Variants in GABBR2 observed in about 807,000 individuals in gnomAD.
The protein encoded by GABBR2 is gamma-aminobutyric acid type B receptor subunit 2.
In GABBR2, 23 loss-of-function variants were observed where a neutral mutation model predicts 105.6. That is an observed-to-expected ratio of 0.22 (90% CI 0.16 to 0.31). The LOEUF is 0.31. GABBR2 is among the 10% of genes least tolerant of loss of function. The pLI is 1.00. For missense variants in GABBR2, 734 were observed against 1,245.5 expected, an observed-to-expected ratio of 0.59 and a Z score of 6.18; for synonymous variants, 478 against 499.7, an observed-to-expected ratio of 0.96 and a Z score of 0.58.
intron 7 of GABBR2, among the ~76,000 whole-genome samples, chr9:98,420,653 G>T: frequency 6.6e-6 from 1 of 152,206 alleles, no homozygotes; most frequent in East Asian, 1.9e-4. Context: ...GAGGGCCTGG[G>T]CTGTGGGGAA....
intron 7 of GABBR2, among the ~76,000 whole-genome samples, chr9:98,426,247 C>T (rs552916173): frequency 9.8e-5 from 15 of 152,290 alleles, no homozygotes; most frequent in East Asian, 9.7e-4. Flanking sequence ...TCAGAGTCAG[C>T]GCAGTGTGAC....
At chr9:98,615,826 G>T (rs767474059) in intron 1 of GABBR2, among the ~76,000 whole-genome samples, 16 of 152,178 alleles carry the variant, frequency 1.1e-4, no homozygotes, top group Non-Finnish European at 2.4e-4. Flanking sequence ...ATTGCTCCCA[G>T]AACAAAAGCC....
At chr9:98,574,309 T>G (rs549318209) in intron 2 of GABBR2, among the ~76,000 whole-genome samples, 133 of 152,392 alleles carry the variant, frequency 8.7e-4, no homozygotes, top group Non-Finnish European at 1.7e-3. Flanking sequence ...GTATGCAATT[T>G]CCAAAGCTAA....
chr9:98,527,956 C>T (rs1827992425), intron 3 of GABBR2, among the ~76,000 whole-genome samples: 1 of 152,092 alleles, frequency 6.6e-6, no homozygotes, highest in Non-Finnish European at 1.5e-5. Context: ...AAAGCTGCAC[C>T]GTCCAAGACA....
intron 1 of GABBR2, among the ~76,000 whole-genome samples, chr9:98,658,312 A>T (rs1231368965): frequency 6.6e-6 from 1 of 152,218 alleles, no homozygotes; most frequent in Non-Finnish European, 1.5e-5. Context: ...TGACTGGGGC[A>T]GAGTCTGGGC....
chr9:98,418,112 G>A (rs1267809334), intron 7 of GABBR2, among the ~76,000 whole-genome samples: 1 of 152,136 alleles, frequency 6.6e-6, no homozygotes, highest in Non-Finnish European at 1.5e-5. Context: ...GATAGCAGGT[G>A]CAACGAGCTC....
intron 1 of GABBR2, among the ~76,000 whole-genome samples, chr9:98,708,103 G>A (rs1248496138): frequency 1.3e-5 from 2 of 152,172 alleles, no homozygotes; most frequent in African/African-American, 2.4e-5. Flanking sequence ...GCCTTTGGGG[G>A]TCCAGCCCCC....
intron 3 of GABBR2, among the ~76,000 whole-genome samples, chr9:98,499,294 G>A (rs1827350815): frequency 6.6e-6 from 1 of 152,174 alleles, no homozygotes; most frequent in South Asian, 2.1e-4. Flanking sequence ...AACTCAAAAC[G>A]AATAGACAAA....
At chr9:98,380,178 G>C (rs532707282) in intron 11 of GABBR2, among the ~76,000 whole-genome samples, 2 of 152,338 alleles carry the variant, frequency 1.3e-5, no homozygotes, top group South Asian at 4.1e-4. Flanking sequence ...TGAACGAAAG[G>C]CTGCCCCTGG....
chr9:98,456,018 TC>T (rs1826319825), intron 6 of GABBR2, among the ~76,000 whole-genome samples: 1 of 151,990 alleles, frequency 6.6e-6, no homozygotes, highest in East Asian at 1.9e-4. Context: ...GGGCAGAAAC[TC>T]CCCCCAAATC....
At position 98,321,970 on chromosome 9, in the gene GABBR2, T is replaced by C. The variant is rs538230901; in HGVS notation, c.1894-10765A>G. ...TGCTTCTCAGCCTCTTGGTCCCCTC[T>C]TTCTTCCCCTTCAGCAAGCTTCTTG... On this transcript the variant is annotated intron_variant, in intron 13 of 18. Coordinates refer to ENST00000259455, the MANE Select transcript of GABBR2 (RefSeq NM_005458.8). Among the ~76,000 whole-genome samples, 5 of 152,252 alleles carry C rather than the reference T, an allele frequency of 3.3e-5. No individual in the cohort carries two copies. In the South Asian group the frequency reaches 8.3e-4, roughly 25 times the overall value.
At chr9:98,633,200 G>A (rs888304193) in intron 1 of GABBR2, among the ~76,000 whole-genome samples, 2 of 152,122 alleles carry the variant, frequency 1.3e-5, no homozygotes, top group African/African-American at 4.8e-5. Context: ...TCAGGGTGGT[G>A]TGAGAAGTGT....
At chr9:98,639,261 C>T (rs998804505) in intron 1 of GABBR2, among the ~76,000 whole-genome samples, 170 of 152,190 alleles carry the variant, frequency 1.1e-3, no homozygotes, top group African/African-American at 3.9e-3. Flanking sequence ...GCAGTGTCCT[C>T]ACCTGGCAAG....
chr9:98,317,958 A>G (rs1295168877), intron 13 of GABBR2, among the ~76,000 whole-genome samples: 1 of 152,230 alleles, frequency 6.6e-6, no homozygotes. Context: ...GCTACTCTGC[A>G]GTGGTGACAT....
At chr9:98,436,226 T>A (rs1483235076) in intron 7 of GABBR2, among the ~76,000 whole-genome samples, 1 of 141,472 alleles carries the variant, frequency 7.1e-6, no homozygotes, top group Non-Finnish European at 1.5e-5. Flanking sequence ...GGACATATAG[T>A]TAATTTCTTC....
At chr9:98,564,710 C>A (rs576762760) in intron 2 of GABBR2, among the ~76,000 whole-genome samples, 1 of 152,296 alleles carries the variant, frequency 6.6e-6, no homozygotes. Context: ...TCCTGAGCAC[C>A]TACTTGAGGC....
At chr9:98,480,083 C>G (rs1826883308) in intron 5 of GABBR2, among the ~76,000 whole-genome samples, 1 of 152,176 alleles carries the variant, frequency 6.6e-6, no homozygotes, top group Non-Finnish European at 1.5e-5. Context: ...ACAAAAAGAT[C>G]AGAGATCTGC....
chr9:98,446,228 C>A (rs62574622), intron 7 of GABBR2, among the ~76,000 whole-genome samples: 40,251 of 151,692 alleles, frequency 0.27, 5,854 homozygotes, highest in East Asian at 0.51. Flanking sequence ...TAGACCCACA[C>A]AAACTCTGCT....
chr9:98,607,078 C>G (rs896473888), intron 1 of GABBR2: 55 of 1,521,480 alleles, frequency 3.6e-5, no homozygotes, highest in Middle Eastern at 2.2e-4. Flanking sequence ...GTTAAGAGAT[C>G]TGGTTTTGAT....
Sources: allele counts gnomAD v4.1 joint callset (sites outside exome capture counted in the v4.1 genomes callset), GRCh38; gene constraint gnomAD v4.1.1; transcripts MANE v1.5; gene names NCBI Gene and HGNC (gene_info 2026-07-23, HGNC 2026-07-21).